The following GGT5 variants were observed in gnomAD, a reference collection of about 807,000 sequenced individuals.
GGT5 encodes the protein glutathione hydrolase 5 proenzyme.
A neutral mutation model predicts 58.1 loss-of-function variants in GGT5; 50 were observed. The ratio of observed to expected loss-of-function variants is 0.86; its 90% CI spans 0.69 to 1.09. The LOEUF (loss-of-function observed/expected upper bound fraction) is 1.09. Among genes scored for constraint, GGT5 ranks in the 50% least tolerant of loss-of-function variants. The pLI is 0.00. For missense variants in GGT5, 800 were observed against 789.4 expected, an observed-to-expected ratio of 1.01 and a Z score of -0.16; for synonymous variants, 370 against 346.1, an observed-to-expected ratio of 1.07 and a Z score of -0.77.
In GGT5 at chr22:24,225,055, CT is replaced by C. The variant is rs2047708613; in HGVS notation, c.1554del (p.Ala519ProfsTer40). The C allele has an allele frequency of 6.2e-7, 1 of 1,601,658 alleles. No homozygotes were observed. The highest frequency in any genetic ancestry group is 8.5e-7 in the Non-Finnish European group (1 of 1,174,122). The part of the protein sequence containing the change: ...WLGFDLRAAI[A>X]APILHVNSKG... ...TTGCTGTTGACATGCAGGATGGGGG[CT>C]GCAATGGCCGCTCTCAGGTCAAAGC... is the stretch of plus-strand genomic sequence containing the variant. On this transcript the variant is annotated frameshift_variant, in exon 11 of 12. Transcript: ENST00000327365. LOFTEE classifies it high-confidence loss of function.
At position 24,220,108 on chromosome 22, in the gene GGT5, C is replaced by T. The variant is rs2047546801; in HGVS notation, c.1623G>A (p.Gln541=). 6.2e-7 allele frequency: 1 copy of T among 1,614,134 alleles called. No homozygotes were observed. Among genetic ancestry groups the T allele is most frequent in the Non-Finnish European group, 8.5e-7 (1 of 1,179,988 alleles). The change falls in exon 12 of 12, where the codon CAG becomes CAA. Residue 541 remains glutamine, a synonymous_variant. Coordinates refer to ENST00000327365, the MANE Select transcript of GGT5 (RefSeq NM_004121.5). ...EYEPNFSQEV[Q]RGLQDRGQNQ... is the part of the protein sequence containing the mutation. ...TCTGGCCACGGTCTTGGAGTCCCCT[C>T]TGCACCTCCTGGAGAGGAGAGAAAG... is the stretch of plus-strand genomic sequence containing the variant.
chr22:24,241,509 T>C (rs1945391970), intron 1 of GGT5: 1 of 152,222 alleles, frequency 6.6e-6, no homozygotes, highest in African/African-American at 2.4e-5. Context: ...TTCAACTGAT[T>C]GGAGGTGGCC....
rs1316576784 is a variant in GGT5 at position 24,232,939 on chromosome 22, C to T, written c.480G>A (p.Ala160=). 17 of 1,572,032 alleles carry T rather than the reference C, an allele frequency of 1.1e-5. No homozygotes were observed. Among genetic ancestry groups the T allele is most frequent in the East Asian group, 2.4e-5 (1 of 42,536 alleles). Residue 160 remains alanine, a synonymous_variant, in exon 4 of 12, where the codon GCG becomes GCA. Coordinates refer to ENST00000327365, the MANE Select transcript of GGT5 (RefSeq NM_004121.5). ...GCGCGATGGTGGGCTGGAACAGCTG[C>T]GCCCAGGGCAGGCGGCCATGGCGGC... ...AHRRHGRLPW[A]QLFQPTIALL... is the part of the protein sequence containing the mutation.
At chr22:24,235,958 G>A (rs189759238) in intron 1 of GGT5, among the ~76,000 whole-genome samples, 122 of 152,158 alleles carry the variant, frequency 8.0e-4, no homozygotes, top group African/African-American at 2.9e-3. Flanking sequence ...CTGATGTTGG[G>A]GGCCCCAGGC....
intron 4 of GGT5, 109 bp from the exon 5 acceptor site, chr22:24,232,317 G>T: frequency 1.7e-6 from 1 of 596,344 alleles, no homozygotes; most frequent in Non-Finnish European, 2.9e-6. Context: ...GGGGCGCCCT[G>T]GCCCAGGGTC....
chr22:24,238,117 T>A (rs941365456), intron 1 of GGT5, among the ~76,000 whole-genome samples: 2 of 151,150 alleles, frequency 1.3e-5, no homozygotes, highest in Non-Finnish European at 2.9e-5. Flanking sequence ...TAATCCCATC[T>A]ACTTGGGAGG....
At chr22:24,226,052 C>G in intron 8 of GGT5, 24 bp downstream of exon 8, 1 of 1,509,618 alleles carries the variant, frequency 6.6e-7, no homozygotes, top group South Asian at 1.3e-5. Context: ...TGAAGCCATC[C>G]GCCTTCCCCC....
At chr22:24,238,910 ATATAT>A (rs1321862070) in intron 1 of GGT5, among the ~76,000 whole-genome samples, 1,495 of 19,952 alleles carry the variant, frequency 0.075, 247 homozygotes, top group African/African-American at 0.29. Context: ...TATATATTAT[ATATAT>A]TATATATATA....
At chr22:24,231,755 G>A (rs2047948379) in intron 5 of GGT5, among the ~76,000 whole-genome samples, 1 of 152,150 alleles carries the variant, frequency 6.6e-6, no homozygotes, top group African/African-American at 2.4e-5. Context: ...AGAAAGGGAA[G>A]ATGGGAGAGG....
Position 24,225,123 on chromosome 22 carries a change from G to T in GGT5, c.1504-17C>A, listed in dbSNP as rs375273797. On this transcript the variant is annotated splice_polypyrimidine_tract_variant and intron_variant, in intron 10 of 11. Transcript: ENST00000327365. ...CATGATGGCCTGGGGGAGAGATGAG[G>T]GTTTCAGGGAGAAAGGGGGCACCCT... 1.3e-5 allele frequency: 21 copies of T among 1,595,508 alleles called. No homozygotes were observed. Among genetic ancestry groups the T allele is most frequent in the Non-Finnish European group, 1.8e-5 (21 of 1,168,050 alleles).
intron 4 of GGT5, 29 bp from the exon 5 acceptor site, chr22:24,232,237 G>A (rs1225470014): frequency 7.4e-7 from 1 of 1,354,112 alleles, no homozygotes; most frequent in Non-Finnish European, 1.0e-6. Flanking sequence ...CTCAGGGTGG[G>A]GCCAGGTCCC....
chr22:24,220,080 G>T lies in GGT5; in HGVS notation c.1651C>A (p.Gln551Lys), dbSNP rs1021853466. 1 of 1,614,200 alleles carries T rather than the reference G, an allele frequency of 6.2e-7. No individual in the cohort carries two copies. Among genetic ancestry groups the T allele is most frequent in the Admixed American group, 1.7e-5 (1 of 60,026 alleles). The change falls in exon 12 of 12, where the codon CAG becomes AAG. Residue 551 changes from glutamine to lysine, a missense_variant. Physicochemically the swap from Gln to Lys is moderately conservative, Grantham distance 53. Transcript: ENST00000327365. ...TTCAGGAAGAAGGGCCTCTGGGTCT[G>T]GTTCTGGCCACGGTCTTGGAGTCCC... ...QRGLQDRGQN[Q>K]TQRPFFLNVV...
intron 1 of GGT5, among the ~76,000 whole-genome samples, chr22:24,239,304 A>G (rs1309901341): frequency 1.3e-5 from 2 of 151,562 alleles, no homozygotes; most frequent in Non-Finnish European, 2.9e-5. Context: ...GTGCCACTGC[A>G]CTCCAGCCTG....
rs2048192319 is a variant in GGT5, at chr22:24,238,804, T to C, written c.174-4800A>G. 7.2e-4 allele frequency among the ~76,000 whole-genome samples: 2 copies of C among 2,794 alleles called. 1 individual carries two copies. Among genetic ancestry groups the C allele is most frequent in the African/African-American group, 3.4e-3 (2 of 594 alleles). The allele number at this position is 2,794 out of a possible 152,430, so 1.8% of individuals were successfully genotyped here. ...AATATATATTATATATTTATATATA[T>C]ATAATATATTATATATATATATATA... On this transcript the variant is annotated intron_variant, in intron 1 of 11. Transcript: ENST00000327365.
At chr22:24,230,923 C>G (rs2047917939) in intron 6 of GGT5, among the ~76,000 whole-genome samples, 1 of 152,168 alleles carries the variant, frequency 6.6e-6, no homozygotes, top group Admixed American at 6.6e-5. Context: ...TTTAAGCCAC[C>G]AAGCTTGTGG....
Position 24,225,661 on chromosome 22 carries a change from G to A in GGT5, c.1230-9C>T, listed in dbSNP as rs368114799. ...ACACCATCGCTCCAAAGCTGCAGCC[G>A]TGGAGGCAGAAGAGCCTGGGCTAGG... is the stretch of plus-strand genomic sequence containing the variant. On this transcript the variant is annotated splice_polypyrimidine_tract_variant and intron_variant, in intron 8 of 11. Coordinates refer to ENST00000327365, the MANE Select transcript of GGT5 (RefSeq NM_004121.5). The A allele has an allele frequency of 2.1e-5, 33 of 1,569,898 alleles. No homozygotes were observed. The highest frequency in any genetic ancestry group is 8.9e-5 in the South Asian group (8 of 89,774).
Position 24,220,013 on chromosome 22 carries a change from G to T in GGT5, c.1718C>A (p.Ala573Asp), listed in dbSNP as rs2047542116. ...AVSQEGACVYAVSDLRKSGEA... is the reference protein window; with the variant it reads ...AVSQEGACVYDVSDLRKSGEA... ...CCCACTCTTCCTCAGGTCCGAGACG[G>T]CGTACACACAGGCCCCCTCCTGGGA... The change falls in exon 12 of 12, where the codon GCC (alanine) becomes GAC (aspartate). Residue 573 changes from alanine to aspartate, a missense_variant. By Grantham distance (126) the Ala-to-Asp change is moderately radical. Transcript: ENST00000327365. The T allele has an allele frequency of 6.2e-7, 1 of 1,614,126 alleles. No homozygotes were observed. The highest frequency in any genetic ancestry group is 1.3e-5 in the African/African-American group (1 of 75,054).
In GGT5 at chr22:24,232,736, G is replaced by A. The variant is rs2047982184; in HGVS notation, c.596+87C>T. 4.4e-6 allele frequency: 4 copies of A among 904,420 alleles called. No individual in the cohort carries two copies. The East Asian group carries it at 1.2e-4, about 27-fold the overall frequency. The allele number at this position is 904,420 out of a possible 1,614,324, so 56.0% of individuals were successfully genotyped here. On this transcript the variant is annotated intron_variant, in intron 4 of 11. Coordinates refer to ENST00000327365, the MANE Select transcript of GGT5 (RefSeq NM_004121.5). The stretch of plus-strand genomic sequence containing the variant: ...GAGGGTCAATCCTCCAGTGTAAGAG[G>A]GACTGAGGCAGAGCTGGGGTGTGGA...
chr22:24,244,478 A>C, intron 1 of GGT5, 75 bp downstream of exon 1: 2 of 1,265,094 alleles, frequency 1.6e-6, no homozygotes, highest in Admixed American at 1.8e-5. Flanking sequence ...ACTCACACAC[A>C]CACACACACA....
Sources: gnomAD v4.1 joint callset for allele counts (sites outside exome capture counted in the v4.1 genomes callset) on GRCh38, gnomAD v4.1.1 for gene constraint, MANE v1.5 for transcripts, NCBI Gene and HGNC (gene_info 2026-07-23, HGNC 2026-07-21) for gene names.